Variants in MAP2K5 observed in about 807,000 individuals in gnomAD.
MAP2K5 encodes mitogen-activated protein kinase kinase 5, also known as dual specificity mitogen-activated protein kinase kinase 5.
A neutral mutation model predicts 83.1 loss-of-function variants in MAP2K5; 49 were observed. That is an observed-to-expected ratio of 0.59 (90% confidence interval 0.47 to 0.75). The LOEUF (loss-of-function observed/expected upper bound fraction) is 0.75, where lower values mean the gene tolerates loss of function less well. Among genes scored for constraint, MAP2K5 ranks in the 30% least tolerant of loss-of-function variants. The probability of loss-of-function intolerance (pLI) is 0.00; values close to 1 mark genes in which losing one functional copy is unlikely to be tolerated. For missense variants in MAP2K5, 457 were observed against 557.5 expected (o/e 0.82, Z 1.82); for synonymous variants, 202 against 191.8 (o/e 1.05, Z -0.44).
At chr15:67,598,475 C>T (rs1191169691) in intron 7 of MAP2K5, among the ~76,000 whole-genome samples, 3 of 152,130 alleles carry the variant, frequency 2.0e-5, no homozygotes, top group African/African-American at 7.2e-5. Flanking sequence ...AATTAATGCA[C>T]ATGCACATAC....
intron 6 of MAP2K5, among the ~76,000 whole-genome samples, chr15:67,590,201 A>G (rs2085368596): frequency 6.6e-6 from 1 of 152,162 alleles, no homozygotes; most frequent in African/African-American, 2.4e-5. Flanking sequence ...CATAGTTTAC[A>G]TTTGACCATA....
At chr15:67,740,983 G>A (rs1341247723) in intron 17 of MAP2K5, among the ~76,000 whole-genome samples, 5 of 149,896 alleles carry the variant, frequency 3.3e-5, no homozygotes, top group Non-Finnish European at 7.4e-5. Flanking sequence ...AGCTGAGATC[G>A]TGCCACTGCC....
Position 67,782,448 on chromosome 15 carries a change from C to G in MAP2K5, c.1242+9696C>G, listed in dbSNP as rs1028689768. Among the ~76,000 whole-genome samples, 2 of 152,156 alleles carry G rather than the reference C, an allele frequency of 1.3e-5. No individual in the cohort carries two copies. The highest frequency in any genetic ancestry group is 2.9e-5 in the Non-Finnish European group (2 of 68,034). ...TTTGTCTTGTTTACACTTTCAAACC[C>G]CTGTGATATACTGGAAGGCTAAATA... On this transcript the variant is annotated intron_variant, in intron 21 of 21. Transcript: ENST00000178640. The surrounding 1 kb of genome is among the most constrained non-coding windows in gnomAD (Gnocchi z 4.9).
intron 16 of MAP2K5, among the ~76,000 whole-genome samples, chr15:67,715,183 C>G (rs2088799635): frequency 6.7e-6 from 1 of 148,172 alleles, no homozygotes; most frequent in Admixed American, 7.0e-5. Context: ...CTCTTACTCC[C>G]TTTTCTGTAA....
At chr15:67,796,599 T>C (rs2090608681) in intron 21 of MAP2K5, among the ~76,000 whole-genome samples, 2 of 152,190 alleles carry the variant, frequency 1.3e-5, no homozygotes, top group African/African-American at 4.8e-5. Flanking sequence ...ATCCCCAACA[T>C]TGGTGATTAC....
chr15:67,595,146 T>G (rs2085496875), intron 7 of MAP2K5, among the ~76,000 whole-genome samples: 1 of 152,244 alleles, frequency 6.6e-6, no homozygotes, highest in Admixed American at 6.5e-5. Flanking sequence ...GAAAGGGACA[T>G]GATTCTTCAA....
At chr15:67,662,836 A>G (rs1183652937) in intron 12 of MAP2K5, among the ~76,000 whole-genome samples, 1 of 152,096 alleles carries the variant, frequency 6.6e-6, no homozygotes, top group Non-Finnish European at 1.5e-5. Context: ...CCCTTTTAAT[A>G]CCTTGCCTTG....
chr15:67,665,172 C>T lies in MAP2K5; in HGVS notation c.847+527C>T, dbSNP rs780293561. 2.6e-5 allele frequency among the ~76,000 whole-genome samples: 4 copies of T among 152,124 alleles called. No homozygotes were observed. The highest frequency in any genetic ancestry group is 6.6e-5 in the Admixed American group (1 of 15,260). On this transcript the variant is annotated intron_variant, in intron 13 of 21. Coordinates refer to ENST00000178640, the MANE Select transcript of MAP2K5 (RefSeq NM_145160.3). This position sits in a 1 kb window ranked among gnomAD's most constrained non-coding sequence, Gnocchi z 4.2. ...GCTAGGATTCAGGCGGGAGCCACCG[C>T]GCCTGGCCAAAAGTAAAACTTTAAA...
chr15:67,579,838 G>A (rs746617993), intron 3 of MAP2K5, among the ~76,000 whole-genome samples: 10 of 152,084 alleles, frequency 6.6e-5, no homozygotes, highest in African/African-American at 1.4e-4. Flanking sequence ...TAAACATATC[G>A]TATTTAAATA....
At chr15:67,634,893 CTATT>C (rs1196049226) in intron 9 of MAP2K5, among the ~76,000 whole-genome samples, 1 of 152,074 alleles carries the variant, frequency 6.6e-6, no homozygotes, top group African/African-American at 2.4e-5. Context: ...AGTATTGAGA[CTATT>C]TACATTTCAT....
intron 7 of MAP2K5, among the ~76,000 whole-genome samples, chr15:67,598,963 T>A (rs2414971): frequency 0.021 from 3,272 of 152,288 alleles, 74 homozygotes; most frequent in African/African-American, 0.055. Context: ...TAGAGAAATG[T>A]TCTAAGGGAA....
Position 67,738,655 on chromosome 15 carries a change from A to G in MAP2K5, c.1075-9576A>G, listed in dbSNP as rs1596884516. On this transcript the variant is annotated intron_variant, in intron 17 of 21. Coordinates refer to ENST00000178640, the MANE Select transcript of MAP2K5 (RefSeq NM_145160.3). This position sits in a 1 kb window ranked among gnomAD's most constrained non-coding sequence, Gnocchi z 4.1. Reference sequence around the variant, plus strand: ...GTTAGTAATTTACAGAATTGTGGGTAGACAGTGTATAGAGGAGATGGGGAT... The same window carrying G: ...GTTAGTAATTTACAGAATTGTGGGTGGACAGTGTATAGAGGAGATGGGGAT... Among the ~76,000 whole-genome samples, 1 of 152,352 alleles carries G rather than the reference A, an allele frequency of 6.6e-6. No homozygotes were observed. The highest frequency in any genetic ancestry group is 1.9e-4 in the East Asian group (1 of 5,190).
At chr15:67,656,199 C>G (rs891958594) in intron 11 of MAP2K5, among the ~76,000 whole-genome samples, 1 of 152,154 alleles carries the variant, frequency 6.6e-6, no homozygotes, top group Non-Finnish European at 1.5e-5. Context: ...ATACCACCAT[C>G]TCAGCTAAAA....
chr15:67,574,548 G>T (rs1245919333), intron 3 of MAP2K5, among the ~76,000 whole-genome samples: 1 of 150,744 alleles, frequency 6.6e-6, no homozygotes, highest in Non-Finnish European at 1.5e-5. Context: ...CTCCAGCCTG[G>T]GTGACAGAGC....
intron 16 of MAP2K5, among the ~76,000 whole-genome samples, chr15:67,716,015 A>G (rs1462684713): frequency 2.0e-5 from 3 of 152,228 alleles, no homozygotes; most frequent in African/African-American, 7.2e-5. Context: ...AGATGCAGTC[A>G]TATATTCATT....
intron 13 of MAP2K5, among the ~76,000 whole-genome samples, chr15:67,679,394 G>GA (rs553791312): frequency 1.3e-5 from 2 of 152,026 alleles, no homozygotes; most frequent in Admixed American, 6.6e-5. Flanking sequence ...TCAGTGGGGG[G>GA]AAAAAATCAG....
At position 67,757,322 on chromosome 15, in the gene MAP2K5, A is replaced by G. The variant is rs557707631; in HGVS notation, c.1134+8721A>G. ...CTAGAAGACATTTGCAAATCAGATTATGTCTTCCCATTGATTCAATAGTTG... is the reference window on the plus strand; with the variant it reads ...CTAGAAGACATTTGCAAATCAGATTGTGTCTTCCCATTGATTCAATAGTTG... On this transcript the variant is annotated intron_variant, in intron 19 of 21. Transcript: ENST00000178640. This position sits in a 1 kb window ranked among gnomAD's most constrained non-coding sequence, Gnocchi z 4.9. Among the ~76,000 whole-genome samples, 3 of 152,308 alleles carry G rather than the reference A, an allele frequency of 2.0e-5. No individual in the cohort carries two copies. Among genetic ancestry groups the G allele is most frequent in the African/African-American group, 7.2e-5 (3 of 41,564 alleles).
chr15:67,561,321 T>C lies in MAP2K5; in HGVS notation c.185-1962T>C, dbSNP rs1300990172. 6.6e-6 allele frequency among the ~76,000 whole-genome samples: 1 copy of C among 152,208 alleles called. No individual in the cohort carries two copies. Among genetic ancestry groups the C allele is most frequent in the Non-Finnish European group, 1.5e-5 (1 of 68,034 alleles). Reference sequence around the variant, plus strand: ...TCGCCTTAACCTTGAAAATATTAGTTTCTAGAACTTATATATAGACAGACT... The same window carrying C: ...TCGCCTTAACCTTGAAAATATTAGTCTCTAGAACTTATATATAGACAGACT... On this transcript the variant is annotated intron_variant, in intron 2 of 21. Coordinates refer to ENST00000178640, the MANE Select transcript of MAP2K5 (RefSeq NM_145160.3). This position sits in a 1 kb window ranked among gnomAD's most constrained non-coding sequence, Gnocchi z 4.2.
At chr15:67,694,927 C>T (rs555467006) in intron 15 of MAP2K5, among the ~76,000 whole-genome samples, 6 of 152,146 alleles carry the variant, frequency 3.9e-5, no homozygotes, top group African/African-American at 1.4e-4. Context: ...TACTATGCAG[C>T]CATACAAAAT....
Sources: gnomAD v4.1 joint callset for allele counts (sites outside exome capture counted in the v4.1 genomes callset) on GRCh38, gnomAD v4.1.1 for gene constraint, Gnocchi (gnomAD v3.1) non-coding constraint, MANE v1.5 for transcripts, NCBI Gene and HGNC (gene_info 2026-07-23, HGNC 2026-07-21) for gene names.